Variants in NPHP4 observed in about 807,000 individuals in gnomAD.
NPHP4 encodes the protein nephrocystin-4.
A neutral mutation model predicts 155.8 loss-of-function variants in NPHP4; 151 were observed. That is an observed-to-expected ratio of 0.97 (90% confidence interval 0.85 to 1.11). The LOEUF (loss-of-function observed/expected upper bound fraction) is 1.11. Among genes scored for constraint, NPHP4 ranks in the 50% least tolerant of loss-of-function variants. NPHP4 has a pLI of 0.00. For missense variants in NPHP4, 1,956 were observed against 1,925.7 expected, an observed-to-expected ratio of 1.02 and a Z score of -0.29; for synonymous variants, 845 against 816.8, an observed-to-expected ratio of 1.03 and a Z score of -0.59.
chr1:5,925,725 C>T (rs1645968042), intron 11 of NPHP4, among the ~76,000 whole-genome samples: 1 of 152,132 alleles, frequency 6.6e-6, no homozygotes, highest in Non-Finnish European at 1.5e-5. Context: ...ACGCCGTTCT[C>T]CTGCCTCAGC....
At chr1:5,988,636 G>A (rs935411983) in intron 1 of NPHP4, among the ~76,000 whole-genome samples, 16 of 152,346 alleles carry the variant, frequency 1.1e-4, no homozygotes, top group African/African-American at 3.4e-4. Context: ...AAAGGGTAAA[G>A]GGATCTGAGA....
chr1:5,863,315 G>C lies in NPHP4; in HGVS notation c.4231C>G (p.His1411Asp). Residue 1411 changes from histidine to aspartate, a missense_variant, in exon 30 of 30, where the codon CAT becomes GAT. Transcript: ENST00000378156. ...EEEILIYINDHEDKNEEAFCV... is the reference protein window; with the variant it reads ...EEEILIYINDDEDKNEEAFCV... ...AATGCCTCTTCGTTTTTGTCCTCAT[G>C]GTCATTGATGTAGATCAGGATCTCC... 1 of 1,613,930 alleles carries C rather than the reference G, an allele frequency of 6.2e-7. No individual in the cohort carries two copies. The highest frequency in any genetic ancestry group is 8.5e-7 in the Non-Finnish European group (1 of 1,179,802).
At position 5,887,320 on chromosome 1, in the gene NPHP4, C is replaced by A. The variant is rs763174174; in HGVS notation, c.2451G>T (p.Val817=). The A allele has an allele frequency of 1.9e-6, 3 of 1,613,552 alleles. No homozygotes were observed. The highest frequency in any genetic ancestry group is 2.5e-6 in the Non-Finnish European group (3 of 1,179,854). ...CCAAAGTCAGGTGCAGCCGGCCCTT[C>A]ACCACCGAGTGGACGCCGATGGGCT... is the stretch of plus-strand genomic sequence containing the variant. The part of the protein sequence containing the change: ...RVKPIGVHSV[V]KGRLHLTLAN... Residue 817 remains valine (V), a synonymous_variant, in exon 18 of 30, where the codon GTG becomes GTT. Transcript: ENST00000378156.
intron 3 of NPHP4, among the ~76,000 whole-genome samples, chr1:5,970,756 T>G (rs144292362): frequency 1.3e-5 from 2 of 152,264 alleles, no homozygotes; most frequent in Non-Finnish European, 2.9e-5. Context: ...ATAATCCTCC[T>G]ATTAACGAGT....
At chr1:5,932,605 C>T (rs1646332039) in intron 10 of NPHP4, among the ~76,000 whole-genome samples, 1 of 151,658 alleles carries the variant, frequency 6.6e-6, no homozygotes, top group African/African-American at 2.4e-5. Flanking sequence ...ACCCACTTCG[C>T]TCTACTTGTT....
intron 19 of NPHP4, among the ~76,000 whole-genome samples, chr1:5,878,347 G>A (rs1019265104): frequency 2.0e-5 from 3 of 152,218 alleles, no homozygotes; most frequent in Non-Finnish European, 2.9e-5. Flanking sequence ...CAGATGCCCC[G>A]CGTGGCTCTT....
chr1:5,883,239 C>T (rs961342614), intron 18 of NPHP4, among the ~76,000 whole-genome samples: 5 of 152,146 alleles, frequency 3.3e-5, no homozygotes, highest in East Asian at 3.9e-4. Flanking sequence ...GCCAGAGCTG[C>T]GGGCACCAGC....
At chr1:5,871,422 C>T (rs780611119) in intron 23 of NPHP4, among the ~76,000 whole-genome samples, 3 of 152,160 alleles carry the variant, frequency 2.0e-5, no homozygotes, top group South Asian at 2.1e-4. Context: ...GCTGCTAGGA[C>T]GCAGCTCATT....
At chr1:5,982,571 C>A (rs1457776436) in intron 2 of NPHP4, among the ~76,000 whole-genome samples, 1 of 152,174 alleles carries the variant, frequency 6.6e-6, no homozygotes, top group Non-Finnish European at 1.5e-5. Flanking sequence ...TACTTTGTAT[C>A]TAATTTGTTC....
At chr1:5,951,082 C>G (rs146754523) in intron 7 of NPHP4, among the ~76,000 whole-genome samples, 1,672 of 152,294 alleles carry the variant, frequency 0.011, 25 homozygotes, top group African/African-American at 0.037. Context: ...TTTAGAGATG[C>G]ATCGATAGGC....
chr1:5,951,241 T>A (rs1647954836), intron 7 of NPHP4, among the ~76,000 whole-genome samples: 1 of 152,136 alleles, frequency 6.6e-6, no homozygotes, highest in Admixed American at 6.5e-5. Flanking sequence ...CCGTCCTTCC[T>A]CGTGTCGCGC....
chr1:5,985,328 T>C (rs1413234760), intron 2 of NPHP4, among the ~76,000 whole-genome samples: 1 of 152,220 alleles, frequency 6.6e-6, no homozygotes, highest in Non-Finnish European at 1.5e-5. Context: ...AATCCAATCG[T>C]GTGGGTGTCC....
At chr1:5,915,145 C>T (rs1397783813) in intron 11 of NPHP4, among the ~76,000 whole-genome samples, 1 of 152,218 alleles carries the variant, frequency 6.6e-6, no homozygotes, top group African/African-American at 2.4e-5. Flanking sequence ...GAGGGGGCAG[C>T]ACGCAGAGGC....
chr1:5,886,460 C>T (rs556224006), intron 18 of NPHP4: 1 of 152,362 alleles, frequency 6.6e-6, no homozygotes, highest in South Asian at 2.1e-4. Context: ...AATAAAATAG[C>T]AGACAAGTCT....
At chr1:5,870,804 C>G (rs1641920936) in intron 23 of NPHP4, among the ~76,000 whole-genome samples, 1 of 152,238 alleles carries the variant, frequency 6.6e-6, no homozygotes, top group Non-Finnish European at 1.5e-5. Flanking sequence ...GAAACGAACA[C>G]CAGACCAGCC....
chr1:5,875,013 TGG>T lies in NPHP4; in HGVS notation c.2903_2904del (p.Ala968GlufsTer24). On this transcript the variant is annotated frameshift_variant, in exon 21 of 30. Coordinates refer to ENST00000378156, the MANE Select transcript of NPHP4 (RefSeq NM_015102.5). LOFTEE classifies it high-confidence loss of function. ...GTGGTGATGGCCAGGCTCAGCAGGC[TGG>T]CGATGCTCTCGGCCTTCGTGCGTTC... ...YRERTKAESI[A>X]SLLSLAITTE... is the part of the protein sequence containing the mutation. The T allele has an allele frequency of 6.2e-7, 1 of 1,611,634 alleles. No individual in the cohort carries two copies. Among genetic ancestry groups the T allele is most frequent in the Non-Finnish European group, 8.5e-7 (1 of 1,179,854 alleles).
chr1:5,992,016 C>T (rs952719841), intron 1 of NPHP4, among the ~76,000 whole-genome samples: 2 of 152,004 alleles, frequency 1.3e-5, no homozygotes, highest in African/African-American at 4.8e-5. Context: ...GCCCCGACCC[C>T]AAGTGTCCCG....
intron 17 of NPHP4, chr1:5,888,606 G>A (rs1399486805): frequency 2.2e-6 from 3 of 1,349,990 alleles, no homozygotes; most frequent in Non-Finnish European, 2.0e-6. Context: ...GATATGAGAA[G>A]TCTCCTTTAG....
At chr1:5,963,203 T>C (rs1650688430) in intron 5 of NPHP4, among the ~76,000 whole-genome samples, 1 of 152,240 alleles carries the variant, frequency 6.6e-6, no homozygotes, top group South Asian at 2.1e-4. Context: ...GAGACCAGCC[T>C]GATCAACATG....
Sources: allele counts gnomAD v4.1 joint callset (sites outside exome capture counted in the v4.1 genomes callset), GRCh38; gene constraint gnomAD v4.1.1; transcripts MANE v1.5; gene names NCBI Gene and HGNC (gene_info 2026-07-23, HGNC 2026-07-21).